The following NPHP3 variants were observed in gnomAD, a reference collection of about 807,000 sequenced individuals.
NPHP3 encodes nephrocystin 3.
In NPHP3, 123 loss-of-function variants were observed where a neutral mutation model predicts 171.9. That is an observed-to-expected ratio of 0.72 (90% CI 0.62 to 0.83). The LOEUF (loss-of-function observed/expected upper bound fraction) is 0.83. NPHP3 is among the 40% of genes least tolerant of loss of function. The pLI, the probability that NPHP3 is intolerant of heterozygous loss-of-function variation, is 0.00. For missense variants in NPHP3, 1,506 were observed against 1,591.9 expected, an observed-to-expected ratio of 0.95 and a Z score of 0.92; for synonymous variants, 558 against 579.2, an observed-to-expected ratio of 0.96 and a Z score of 0.52.
chr3:132,683,893 G>T (rs1257488172), intron 24 of NPHP3, among the ~76,000 whole-genome samples: 1 of 151,892 alleles, frequency 6.6e-6, no homozygotes, highest in Non-Finnish European at 1.5e-5. Context: ...CACTTCACCT[G>T]AAAGTTGGGC....
At chr3:132,684,294 C>G (rs531630455) in intron 24 of NPHP3, among the ~76,000 whole-genome samples, 19 of 152,114 alleles carry the variant, frequency 1.2e-4, no homozygotes, top group Non-Finnish European at 2.5e-4. Context: ...TGCATTTGTA[C>G]TTGGAATGTA....
At chr3:132,687,322 T>G (rs2107966071) in intron 21 of NPHP3, 96 bp from the exon 22 acceptor site, 4 of 648,760 alleles carry the variant, frequency 6.2e-6, no homozygotes, top group South Asian at 3.3e-5. Flanking sequence ...AAAGTCTTTT[T>G]GGGCTATTAA....
At chr3:132,704,496 T>C in intron 8 of NPHP3, 125 bp from the exon 9 acceptor site, 2 of 805,708 alleles carry the variant, frequency 2.5e-6, no homozygotes, top group Non-Finnish European at 4.3e-6. Context: ...ACAGCCTTTG[T>C]ATAATACCTA....
In NPHP3 at chr3:132,704,382, A is replaced by G. The variant is rs2107986017; in HGVS notation, c.1351-11T>C. 6.2e-7 allele frequency: 1 copy of G among 1,614,148 alleles called. No individual in the cohort carries two copies. The highest frequency in any genetic ancestry group is 8.5e-7 in the Non-Finnish European group (1 of 1,179,986). On this transcript the variant is annotated splice_polypyrimidine_tract_variant and intron_variant, in intron 8 of 26. Coordinates refer to ENST00000337331, the MANE Select transcript of NPHP3 (RefSeq NM_153240.5). ...AAAACCCAGTATGTCCTAAACACAA[A>G]GAACAACCACACAAAAATGAATGAA...
chr3:132,688,482 T>G (rs764957391), intron 21 of NPHP3, among the ~76,000 whole-genome samples, 168 bp downstream of exon 21: 5 of 152,150 alleles, frequency 3.3e-5, no homozygotes, highest in Non-Finnish European at 4.4e-5. Context: ...TCATGCATCT[T>G]CAAACAGAGA....
intron 5 of NPHP3, among the ~76,000 whole-genome samples, chr3:132,714,138 TG>T (rs1939985411): frequency 1.3e-5 from 2 of 152,252 alleles, no homozygotes; most frequent in Admixed American, 1.3e-4. Context: ...AGTGCTGCCA[TG>T]GATGATACGT....
In NPHP3 at chr3:132,700,411, T is replaced by A; in HGVS notation, c.1666A>T (p.Ile556Phe). The A allele has an allele frequency of 6.2e-7, 1 of 1,613,022 alleles. No homozygotes were observed. The highest frequency in any genetic ancestry group is 8.5e-7 in the Non-Finnish European group (1 of 1,179,394). ...GGCCTTCCCACAAAATGGGAAAGAATCAGTGTGTTGGGGGAATTCTTCTGT... is the reference window on the plus strand; with the variant it reads ...GGCCTTCCCACAAAATGGGAAAGAAACAGTGTGTTGGGGGAATTCTTCTGT... ...LQQKNSPNTL[I>F]LSHFVGRPMS... The change falls in exon 11 of 27, where the codon ATT becomes TTT. Residue 556 changes from isoleucine to phenylalanine, a missense_variant. This residue lies in a region of NPHP3 where 930 missense variants were observed against 924.9 expected (regional missense o/e 1.01). Transcript: ENST00000337331.
At chr3:132,700,224 C>A in intron 11 of NPHP3, 110 bp downstream of exon 11, 1 of 1,177,988 alleles carries the variant, frequency 8.5e-7, no homozygotes, top group African/African-American at 1.5e-5. Context: ...TATATAAAAC[C>A]AAAACAGGTG....
chr3:132,681,986 T>C lies in NPHP3; in HGVS notation c.3917A>G (p.His1306Arg). 1 of 1,614,118 alleles carries C rather than the reference T, an allele frequency of 6.2e-7. No individual in the cohort carries two copies. Among genetic ancestry groups the C allele is most frequent in the Non-Finnish European group, 8.5e-7 (1 of 1,179,938 alleles). Residue 1306 changes from histidine to arginine, a missense_variant, in exon 27 of 27, where the codon CAT (histidine) becomes CGT (arginine). Around this residue, in one of 3 missense-constraint regions of NPHP3, gnomAD observed 569 missense variants for 648.1 expected, o/e 0.88. Transcript: ENST00000337331. ...SLLGGKAPSR[H>R]SSSGDTFSLK... ...GCTAAACGTGTCTCCACTTGATGAA[T>C]GGCGTGAAGGAGCTTTTCCACCCAA... is the stretch of plus-strand genomic sequence containing the variant.
intron 9 of NPHP3, among the ~76,000 whole-genome samples, chr3:132,702,363 T>C (rs77147476): frequency 6.6e-6 from 1 of 152,122 alleles, no homozygotes; most frequent in African/African-American, 2.4e-5. Context: ...CTCAAGACAA[T>C]CAGGTTAGCC....
Position 132,722,073 on chromosome 3 carries a change from T to C in NPHP3, c.283A>G (p.Arg95Gly). The change falls in exon 1 of 27, where the codon AGG becomes GGG. Residue 95 changes from arginine to glycine, a missense_variant. Arg to Gly is a moderately radical substitution (Grantham distance 125). Coordinates refer to ENST00000337331, the MANE Select transcript of NPHP3 (RefSeq NM_153240.5). Reference protein sequence around the residue: ...EYAAAEYERLRKEYEIFRVSK... With the variant: ...EYAAAEYERLGKEYEIFRVSK... ...ACGCGAAAGATCTCGTACTCCTTCC[T>C]GAGCCGCTCGTACTCGGCCGCCGCG... is the stretch of plus-strand genomic sequence containing the variant. The C allele has an allele frequency of 6.2e-7, 1 of 1,612,128 alleles. No homozygotes were observed. The highest frequency in any genetic ancestry group is 8.5e-7 in the Non-Finnish European group (1 of 1,179,856).
chr3:132,705,851 A>G, intron 7 of NPHP3, 37 bp from the exon 8 acceptor site: 2 of 1,112,994 alleles, frequency 1.8e-6, no homozygotes, highest in Middle Eastern at 2.2e-4. Context: ...GAGAAAAACC[A>G]TAATATCAGA....
At chr3:132,695,744 G>A (rs1425240593) in intron 15 of NPHP3, among the ~76,000 whole-genome samples, 2 of 152,118 alleles carry the variant, frequency 1.3e-5, no homozygotes, top group African/African-American at 4.8e-5. Flanking sequence ...GACCAGCCTG[G>A]CAATCATGGC....
At chr3:132,692,954 A>C in intron 16 of NPHP3, 136 bp from the exon 17 acceptor site, 1 of 731,534 alleles carries the variant, frequency 1.4e-6, no homozygotes, top group Non-Finnish European at 2.3e-6. Context: ...ATAAATCAAG[A>C]AACAGATTTA....
At position 132,715,129 on chromosome 3, in the gene NPHP3, T is replaced by C. The variant is rs886058004; in HGVS notation, c.913A>G (p.Ile305Val). The change falls in exon 5 of 27, where the codon ATT becomes GTT. Residue 305 changes from isoleucine (I) to valine (V), a missense_variant. Ile to Val is a conservative substitution (Grantham distance 29). Around this residue, in one of 3 missense-constraint regions of NPHP3, gnomAD observed 930 missense variants for 924.9 expected, o/e 1.01. Transcript: ENST00000337331. The part of the protein sequence containing the change: ...LWSNTVRCYL[I>V]YTDETQPEMD... ...TCAGGCTGGGTTTCATCTGTATAAA[T>C]GAGGTAACATCTGACAGTGTTACTC... 1 of 1,612,500 alleles carries C rather than the reference T, an allele frequency of 6.2e-7. No homozygotes were observed. The highest frequency in any genetic ancestry group is 2.2e-5 in the East Asian group (1 of 44,772).
intron 22 of NPHP3, among the ~76,000 whole-genome samples, chr3:132,686,731 C>G: frequency 6.6e-6 from 1 of 152,088 alleles, no homozygotes; most frequent in East Asian, 1.9e-4. Flanking sequence ...AAAATGCACA[C>G]AGCATTTTAA....
In NPHP3 at chr3:132,684,685, C is replaced by A. The variant is rs2107963367; in HGVS notation, c.3439G>T (p.Glu1147Ter). The stretch of plus-strand genomic sequence containing the variant: ...TCTGCTTTATCATACTGTTTCTTTT[C>A]ATTGCATAGAGCTGCCAGATTATTC... ...SLNNLAALCN[E>*]KKQYDKAEEL... Residue 1147 changes from glutamate (E) to a stop codon, truncating the protein, a stop_gained, in exon 24 of 27, where the codon GAA becomes TAA. Transcript: ENST00000337331. LOFTEE classifies it high-confidence loss of function. 6.2e-7 allele frequency: 1 copy of A among 1,614,066 alleles called. No individual in the cohort carries two copies. The highest frequency in any genetic ancestry group is 8.5e-7 in the Non-Finnish European group (1 of 1,179,992).
At chr3:132,719,282 C>G in intron 2 of NPHP3, 138 bp from the exon 3 acceptor site, 1 of 699,888 alleles carries the variant, frequency 1.4e-6, no homozygotes, top group Non-Finnish European at 2.3e-6. Flanking sequence ...GGGTGAATGT[C>G]CTAGTACCTT....
At chr3:132,707,045 A>G (rs1462686058) in intron 7 of NPHP3, among the ~76,000 whole-genome samples, 1 of 152,014 alleles carries the variant, frequency 6.6e-6, no homozygotes, top group Non-Finnish European at 1.5e-5. Context: ...GGAAGTGAAA[A>G]CTCTGTAAAA....
Sources: gnomAD v4.1 joint callset for allele counts (sites outside exome capture counted in the v4.1 genomes callset) on GRCh38, gnomAD v4.1.1 for gene constraint, gnomAD v4.1.1 regional missense constraint, MANE v1.5 for transcripts, NCBI Gene and HGNC (gene_info 2026-07-23, HGNC 2026-07-21) for gene names.